HORMAD2: variants seen among roughly 807,000 people sequenced by gnomAD.
HORMAD2 encodes the protein HORMA domain containing 2, also known as HORMA domain-containing protein 2.
Under a neutral mutation model 38.8 loss-of-function variants are expected in HORMAD2, and 45 were observed. The observed-to-expected ratio is 1.16, with a 90% CI of 0.91 to 1.49. The LOEUF (loss-of-function observed/expected upper bound fraction) is 1.49, where lower values mean the gene tolerates loss of function less well. Ranked by LOEUF, HORMAD2 falls within the 40% of genes most tolerant of loss-of-function variation. HORMAD2 has a pLI of 0.00. For synonymous variants in HORMAD2, 126 were observed against 122.8 expected (o/e 1.03, Z -0.17); for missense variants, 338 against 367.0 (o/e 0.92, Z 0.65).
At chr22:30,199,022 G>A in the HORMAD2 span, among the ~76,000 whole-genome samples, 1 of 152,170 alleles carries the variant, frequency 6.6e-6, no homozygotes, top group Non-Finnish European at 1.5e-5. Flanking sequence ...ACCTTTGGGG[G>A]CTGGCACAGA....
chr22:30,138,936 AGG>A (rs1923858526), intron 10 of HORMAD2, among the ~76,000 whole-genome samples: 1 of 152,110 alleles, frequency 6.6e-6, no homozygotes, highest in Non-Finnish European at 1.5e-5. Context: ...TAAGTTAAGC[AGG>A]TTGCTTTGAG....
At chr22:30,089,558 G>T (rs1200690052) in intron 1 of HORMAD2, among the ~76,000 whole-genome samples, 2 of 151,946 alleles carry the variant, frequency 1.3e-5, no homozygotes, top group Non-Finnish European at 1.5e-5. Context: ...TCACCATGTT[G>T]GCCAGGATGG....
At chr22:30,138,790 T>A (rs1923847334) in intron 10 of HORMAD2, among the ~76,000 whole-genome samples, 1 of 152,208 alleles carries the variant, frequency 6.6e-6, no homozygotes, top group Non-Finnish European at 1.5e-5. Flanking sequence ...TTTGTATTAT[T>A]CATTGCAGGT....
At chr22:30,123,767 C>CCCAAGTAA (rs1214860447) in intron 10 of HORMAD2, among the ~76,000 whole-genome samples, 3 of 151,436 alleles carry the variant, frequency 2.0e-5, no homozygotes, top group Non-Finnish European at 4.4e-5. Flanking sequence ...ACCTTCTGGG[C>CCCAAGTAA]CCAAGTAATC....
intron 10 of HORMAD2, among the ~76,000 whole-genome samples, chr22:30,155,728 T>A (rs1282085757): frequency 6.6e-6 from 1 of 152,214 alleles, no homozygotes; most frequent in Non-Finnish European, 1.5e-5. Flanking sequence ...ATACCATCAA[T>A]GCCAATCCAA....
intron 10 of HORMAD2, among the ~76,000 whole-genome samples, chr22:30,150,919 G>A (rs1924708763): frequency 6.6e-6 from 1 of 152,148 alleles, no homozygotes; most frequent in South Asian, 2.1e-4. Context: ...TTTTATCCTA[G>A]GGTGGAAGAG....
At chr22:30,093,175 T>A (rs1248448702) in intron 1 of HORMAD2, among the ~76,000 whole-genome samples, 1 of 152,210 alleles carries the variant, frequency 6.6e-6, no homozygotes, top group Admixed American at 6.5e-5. Flanking sequence ...CTTTCATCAG[T>A]GTTCTGTAGT....
chr22:30,137,462 A>G, intron 10 of HORMAD2: 2 of 229,328 alleles, frequency 8.7e-6, no homozygotes, highest in South Asian at 1.1e-4. Flanking sequence ...CACTGCAACC[A>G]GGGCTACAGA....
rs1430339396 is a variant in HORMAD2, at chr22:30,176,213, G to A, written c.*46G>A. 4.8e-6 allele frequency: 6 copies of A among 1,237,212 alleles called. No homozygotes were observed. The highest frequency in any genetic ancestry group is 2.5e-5 in the South Asian group (2 of 80,202). The allele number at this position is 1,237,212 out of a possible 1,614,324, so 76.6% of individuals were successfully genotyped here. A position where few individuals can be genotyped will look rare whatever the true frequency, so the allele number is the denominator to read the frequency against. ...ATTTATTTTAAAATAAGTTTATTTT[G>A]TAAAAACATGCATAAACTGTCTTAG... On this transcript the variant is annotated 3_prime_UTR_variant, in exon 11 of 11. Coordinates refer to ENST00000336726, the MANE Select transcript of HORMAD2 (RefSeq NM_152510.4).
At position 30,110,789 on chromosome 22, in the gene HORMAD2, T is replaced by C. The variant is rs756967367; in HGVS notation, c.295-1007T>C. 1.3e-3 allele frequency among the ~76,000 whole-genome samples: 196 copies of C among 152,238 alleles called. 5 individuals are homozygous for C. The highest frequency in any genetic ancestry group is 5.2e-4 in the Admixed American group (8 of 15,292). On this transcript the variant is annotated intron_variant, in intron 5 of 10. Transcript: ENST00000336726. The stretch of plus-strand genomic sequence containing the variant: ...TTTGAGCTTCACAGGTCCACTTATA[T>C]ATGGATTATTTTCAATAAATACAGT...
the HORMAD2 span, among the ~76,000 whole-genome samples, chr22:30,190,141 C>T: frequency 6.6e-6 from 1 of 152,182 alleles, no homozygotes. Flanking sequence ...TGGGGATAAT[C>T]ATTCTTTACA....
At chr22:30,082,528 T>C (rs1346916917) in intron 1 of HORMAD2, among the ~76,000 whole-genome samples, 6 of 152,082 alleles carry the variant, frequency 3.9e-5, no homozygotes, top group South Asian at 2.1e-4. Context: ...TGGTGTCTCA[T>C]ATGTGTAATC....
chr22:30,104,058 A>G (rs957512287), intron 4 of HORMAD2, among the ~76,000 whole-genome samples: 2 of 152,166 alleles, frequency 1.3e-5, no homozygotes, highest in Non-Finnish European at 2.9e-5. Flanking sequence ...AAGAAAATTG[A>G]CTTGTATAAA....
chr22:30,094,365 A>C (rs943854179), intron 2 of HORMAD2, among the ~76,000 whole-genome samples: 1 of 152,202 alleles, frequency 6.6e-6, no homozygotes, highest in Non-Finnish European at 1.5e-5. Context: ...AATTATAAGA[A>C]CAGAAGGGGA....
chr22:30,139,519 T>C (rs1016770086), intron 10 of HORMAD2, among the ~76,000 whole-genome samples: 1 of 151,904 alleles, frequency 6.6e-6, no homozygotes, highest in Non-Finnish European at 1.5e-5. Flanking sequence ...GGATTTTCTA[T>C]ATACAAAAGC....
intron 10 of HORMAD2, among the ~76,000 whole-genome samples, chr22:30,127,248 G>A (rs536532063): frequency 9.2e-5 from 11 of 119,062 alleles, no homozygotes; most frequent in East Asian, 7.6e-4. Context: ...TCGCTCTGTC[G>A]CCCAGGCTGG....
At chr22:30,158,530 T>G (rs1175878721) in intron 10 of HORMAD2, among the ~76,000 whole-genome samples, 1 of 146,812 alleles carries the variant, frequency 6.8e-6, no homozygotes, top group East Asian at 2.0e-4. Context: ...TCTCTCCTTT[T>G]CCTTTTCCTT....
chr22:30,156,690 G>A (rs1270409378), intron 10 of HORMAD2, among the ~76,000 whole-genome samples: 1 of 152,162 alleles, frequency 6.6e-6, no homozygotes, highest in Non-Finnish European at 1.5e-5. Context: ...CATACCACAA[G>A]ATTTTGCAAG....
intron 7 of HORMAD2, among the ~76,000 whole-genome samples, chr22:30,116,470 G>A (rs1176279255): frequency 6.6e-6 from 1 of 152,176 alleles, no homozygotes; most frequent in Non-Finnish European, 1.5e-5. Flanking sequence ...CAATGGGTTG[G>A]AATGTGGAGG....
Sources: allele counts gnomAD v4.1 joint callset (sites outside exome capture counted in the v4.1 genomes callset), GRCh38; gene constraint gnomAD v4.1.1; transcripts MANE v1.5; gene names NCBI Gene and HGNC (gene_info 2026-07-23, HGNC 2026-07-21).